Variants in LRRTM4 observed in about 807,000 individuals in gnomAD.
LRRTM4 encodes leucine-rich repeat transmembrane neuronal protein 4.
A neutral mutation model predicts 47.6 loss-of-function variants in LRRTM4; 25 were observed. The ratio of observed to expected loss-of-function variants is 0.53; its 90% CI spans 0.38 to 0.73. The LOEUF (loss-of-function observed/expected upper bound fraction) is 0.73, where lower values mean the gene tolerates loss of function less well. Ranked by LOEUF, LRRTM4 falls within the 30% of genes least tolerant of loss-of-function variation. LRRTM4 has a pLI of 0.00. For missense variants in LRRTM4, 638 were observed against 713.4 expected, an observed-to-expected ratio of 0.89 and a Z score of 1.20; for synonymous variants, 311 against 269.5, an observed-to-expected ratio of 1.15 and a Z score of -1.51.
chr2:77,076,532 G>A (rs903651191), intron 3 of LRRTM4, among the ~76,000 whole-genome samples: 1 of 152,090 alleles, frequency 6.6e-6, no homozygotes, highest in African/African-American at 2.4e-5. Context: ...ACACTGTACT[G>A]TTTTTGCTTA....
intron 3 of LRRTM4, among the ~76,000 whole-genome samples, chr2:77,192,215 T>A (rs1239899343): frequency 1.3e-5 from 2 of 152,140 alleles, no homozygotes; most frequent in Admixed American, 6.5e-5. Context: ...CATATATTTA[T>A]GAATCTTTCC....
intron 3 of LRRTM4, among the ~76,000 whole-genome samples, chr2:77,211,909 C>A (rs1674302814): frequency 6.6e-6 from 1 of 151,838 alleles, no homozygotes; most frequent in Admixed American, 6.6e-5. Flanking sequence ...TTACTGTGTA[C>A]TATATTCTTT....
chr2:77,247,456 T>G (rs2104005054), intron 3 of LRRTM4, among the ~76,000 whole-genome samples: 1 of 152,250 alleles, frequency 6.6e-6, no homozygotes, highest in East Asian at 1.9e-4. Context: ...TAGTTTCTAG[T>G]AATGTTGTCT....
Position 76,928,569 on chromosome 2 carries a change from A to T in LRRTM4, c.1552-179653T>A, listed in dbSNP as rs185083214. ...ATATGGGTTCATGCATTTTAAAGGC[A>T]GTCGTGCCTTAAATGATTTCAGGGC... is the stretch of plus-strand genomic sequence containing the variant. On this transcript the variant is annotated intron_variant, in intron 3 of 3. Transcript: ENST00000409884. 1.0e-3 allele frequency among the ~76,000 whole-genome samples: 154 copies of T among 152,278 alleles called. 1 individual carries two copies. The highest frequency in any genetic ancestry group is 3.5e-3 in the Admixed American group (53 of 15,276).
chr2:77,070,679 AG>A (rs1406771756), intron 3 of LRRTM4, among the ~76,000 whole-genome samples: 4 of 152,054 alleles, frequency 2.6e-5, no homozygotes, highest in Admixed American at 2.6e-4. Flanking sequence ...TGCCCAGGCT[AG>A]AGGGCAATGG....
chr2:77,020,208 T>C (rs1558801670), intron 3 of LRRTM4, among the ~76,000 whole-genome samples: 1 of 152,064 alleles, frequency 6.6e-6, no homozygotes, highest in Non-Finnish European at 1.5e-5. Flanking sequence ...CAGAACTCTT[T>C]TGGTTTGGAA....
intron 3 of LRRTM4, among the ~76,000 whole-genome samples, chr2:77,054,667 C>A (rs932979314): frequency 3.9e-5 from 6 of 152,130 alleles, no homozygotes; most frequent in African/African-American, 1.4e-4. Flanking sequence ...GGCTTAATGA[C>A]TCCCATTTAT....
intron 3 of LRRTM4, among the ~76,000 whole-genome samples, chr2:77,363,475 A>G (rs1227444923): frequency 6.6e-6 from 1 of 152,144 alleles, no homozygotes; most frequent in Non-Finnish European, 1.5e-5. Context: ...AAAGCCAAGT[A>G]TTATTCCTGT....
chr2:76,756,222 G>GACA (rs1164890775), intron 3 of LRRTM4, among the ~76,000 whole-genome samples: 1 of 152,032 alleles, frequency 6.6e-6, no homozygotes, highest in Non-Finnish European at 1.5e-5. Flanking sequence ...CAAGTTTTTA[G>GACA]ACATAGCTTT....
rs376228548 is a variant in LRRTM4 at position 76,886,899 on chromosome 2, C to T, written c.1552-137983G>A. Among the ~76,000 whole-genome samples, 19 of 151,926 alleles carry T rather than the reference C, an allele frequency of 1.3e-4. 1 individual carries two copies. The East Asian group carries it at 1.4e-3, about 11-fold the overall frequency. On this transcript the variant is annotated intron_variant, in intron 3 of 3. Transcript: ENST00000409884. ...TCTAAATGAAATATTGAGCACAAGA[C>T]GACTATTGATTCAACCAAAACTAAT...
intron 3 of LRRTM4, among the ~76,000 whole-genome samples, chr2:77,249,481 G>A (rs918721390): frequency 9.3e-6 from 1 of 107,530 alleles, no homozygotes; most frequent in African/African-American, 3.9e-5. Flanking sequence ...CATTGTTATT[G>A]AAAATATTAA....
chr2:77,420,625 T>C (rs1228094496), intron 3 of LRRTM4, among the ~76,000 whole-genome samples: 1 of 147,900 alleles, frequency 6.8e-6, no homozygotes, highest in East Asian at 2.0e-4. Flanking sequence ...GTGTATGTGA[T>C]ATATATATAT....
chr2:77,277,662 T>C (rs1329410274), intron 3 of LRRTM4, among the ~76,000 whole-genome samples: 1 of 151,966 alleles, frequency 6.6e-6, no homozygotes, highest in Non-Finnish European at 1.5e-5. Context: ...CTCTTAAATT[T>C]CTCCGTTCAT....
At chr2:77,250,233 A>G (rs1231330977) in intron 3 of LRRTM4, among the ~76,000 whole-genome samples, 2 of 152,170 alleles carry the variant, frequency 1.3e-5, no homozygotes, top group Non-Finnish European at 2.9e-5. Context: ...CGTCATAATA[A>G]ATTTGCTAAA....
At chr2:77,487,750 T>C (rs1677975043) in intron 3 of LRRTM4, among the ~76,000 whole-genome samples, 2 of 152,134 alleles carry the variant, frequency 1.3e-5, no homozygotes, top group East Asian at 1.9e-4. Context: ...TGAGAACTTA[T>C]GGTGCTTTTT....
intron 3 of LRRTM4, among the ~76,000 whole-genome samples, chr2:77,488,560 A>G (rs1157012238): frequency 6.6e-6 from 1 of 152,190 alleles, no homozygotes; most frequent in Non-Finnish European, 1.5e-5. Flanking sequence ...GTGACACCCA[A>G]GGATCCCATG....
chr2:76,980,781 G>A (rs748730847), intron 3 of LRRTM4, among the ~76,000 whole-genome samples: 11 of 152,028 alleles, frequency 7.2e-5, no homozygotes, highest in East Asian at 1.9e-4. Context: ...AAGAAATGCC[G>A]GATGTACTGA....
At chr2:77,269,297 A>C (rs961074467) in intron 3 of LRRTM4, among the ~76,000 whole-genome samples, 1 of 152,174 alleles carries the variant, frequency 6.6e-6, no homozygotes, top group Non-Finnish European at 1.5e-5. Flanking sequence ...GATATTACAC[A>C]ATAGGAGGGC....
rs1671887716 is a variant in LRRTM4, at chr2:76,848,022, A to G, written c.1552-99106T>C. ...GCAGGGTGGAATCTTAATGGAGTTTAGAAGAAATTCCATGTTGGCATTTTT... is the reference window on the plus strand; with the variant it reads ...GCAGGGTGGAATCTTAATGGAGTTTGGAAGAAATTCCATGTTGGCATTTTT... On this transcript the variant is annotated intron_variant, in intron 3 of 3. Coordinates refer to ENST00000409884, the MANE Select transcript of LRRTM4 (RefSeq NM_001134745.3). 2.0e-5 allele frequency among the ~76,000 whole-genome samples: 3 copies of G among 152,236 alleles called. No individual in the cohort carries two copies. In the South Asian group the frequency reaches 6.2e-4, roughly 32 times the overall value.
Sources: allele counts gnomAD v4.1 joint callset (sites outside exome capture counted in the v4.1 genomes callset), GRCh38; gene constraint gnomAD v4.1.1; transcripts MANE v1.5; gene names NCBI Gene and HGNC (gene_info 2026-07-23, HGNC 2026-07-21).